COL4A1: variants seen among roughly 807,000 people sequenced by gnomAD.
COL4A1 encodes collagen alpha-1(IV) chain.
A neutral mutation model predicts 216.6 loss-of-function variants in COL4A1; 40 were observed. That is an observed-to-expected ratio of 0.18 (90% confidence interval 0.14 to 0.24). The LOEUF is 0.24. Among genes scored for constraint, COL4A1 ranks in the 10% least tolerant of loss-of-function variants. The pLI is 1.00. For synonymous variants in COL4A1, 839 were observed against 810.7 expected, an observed-to-expected ratio of 1.03 and a Z score of -0.59; for missense variants, 1,628 against 2,196.8, an observed-to-expected ratio of 0.74 and a Z score of 5.18.
At chr13:110,190,221 C>T (rs1339447070) in intron 24 of COL4A1, among the ~76,000 whole-genome samples, 1 of 151,996 alleles carries the variant, frequency 6.6e-6, no homozygotes, top group African/African-American at 2.4e-5. Flanking sequence ...TTCTTTGCCA[C>T]AGAACTTCTT....
chr13:110,249,593 T>C (rs1379110373), intron 1 of COL4A1, among the ~76,000 whole-genome samples: 2 of 152,156 alleles, frequency 1.3e-5, no homozygotes, highest in Non-Finnish European at 2.9e-5. Context: ...TCGTGAGGGC[T>C]ACTGACTAGA....
At chr13:110,253,786 TA>T (rs1882378806) in intron 1 of COL4A1, among the ~76,000 whole-genome samples, 2 of 78,578 alleles carry the variant, frequency 2.5e-5, no homozygotes, top group African/African-American at 7.4e-5. Flanking sequence ...TATATATACG[TA>T]TAATTATACG....
chr13:110,306,342 C>T (rs1453187591), intron 1 of COL4A1, among the ~76,000 whole-genome samples: 1 of 152,204 alleles, frequency 6.6e-6, no homozygotes, highest in Non-Finnish European at 1.5e-5. Flanking sequence ...CTTCTTCAAG[C>T]CGGGCGTCCA....
intron 31 of COL4A1, 96 bp from the exon 32 acceptor site, chr13:110,178,327 C>T (rs1877981983): frequency 3.4e-6 from 5 of 1,475,716 alleles, no homozygotes; most frequent in African/African-American, 1.4e-5. Context: ...CTGCAGAAAG[C>T]CCGTGAGCAC....
chr13:110,233,449 T>C (rs969340653), intron 2 of COL4A1, among the ~76,000 whole-genome samples: 1 of 152,138 alleles, frequency 6.6e-6, no homozygotes, highest in African/African-American at 2.4e-5. Flanking sequence ...CAAAGTCAGA[T>C]ACTTTGGGGG....
intron 28 of COL4A1, 36 bp downstream of exon 28, chr13:110,182,957 G>A: frequency 1.3e-6 from 2 of 1,580,354 alleles, no homozygotes; most frequent in South Asian, 1.1e-5. Context: ...GAAGTCACAG[G>A]TGGACCAAAG....
chr13:110,294,520 G>A (rs908191139), intron 1 of COL4A1, among the ~76,000 whole-genome samples: 2 of 152,154 alleles, frequency 1.3e-5, no homozygotes, highest in Non-Finnish European at 2.9e-5. Context: ...AATTCCCAGG[G>A]AAGAGAGAAG....
At chr13:110,251,744 A>G (rs368400199) in intron 1 of COL4A1, among the ~76,000 whole-genome samples, 2 of 152,224 alleles carry the variant, frequency 1.3e-5, no homozygotes, top group South Asian at 4.1e-4. Context: ...CACAGGTGCA[A>G]GCCGGTACAG....
At chr13:110,195,985 T>C (rs1286308387) in intron 21 of COL4A1, among the ~76,000 whole-genome samples, 4 of 152,042 alleles carry the variant, frequency 2.6e-5, no homozygotes, top group East Asian at 1.9e-4. Flanking sequence ...GGGTGTGGAG[T>C]GGGGCTGTGG....
chr13:110,227,387 GACACACACACAC>G lies in COL4A1; in HGVS notation c.145-13384_145-13373del, dbSNP rs373355054. Reference sequence around the variant, plus strand: ...TAGATGACCAAGTATGGGTACGGTAGACACACACACACACACACACACACACACACACACACA... The same window carrying G: ...TAGATGACCAAGTATGGGTACGGTAGACACACACACACACACACACACACA... On this transcript the variant is annotated intron_variant, in intron 2 of 51. Coordinates refer to ENST00000375820, the MANE Select transcript of COL4A1 (RefSeq NM_001845.6). 1.0e-3 allele frequency among the ~76,000 whole-genome samples: 139 copies of G among 138,772 alleles called. 2 individuals are homozygous for G. The highest frequency in any genetic ancestry group is 3.3e-3 in the African/African-American group (121 of 36,958). The allele number at this position is 138,772 out of a possible 152,430, so 91.0% of individuals were successfully genotyped here.
At chr13:110,273,905 A>G (rs1883341809) in intron 1 of COL4A1, among the ~76,000 whole-genome samples, 1 of 152,232 alleles carries the variant, frequency 6.6e-6, no homozygotes, top group Non-Finnish European at 1.5e-5. Flanking sequence ...TGCAGTTTAA[A>G]GCACTAAATG....
rs745445241 is a variant in COL4A1 at position 110,187,233 on chromosome 13, C to T, written c.1633G>A (p.Asp545Asn). The T allele has an allele frequency of 6.2e-7, 1 of 1,613,900 alleles. No individual in the cohort carries two copies. The highest frequency in any genetic ancestry group is 8.5e-7 in the Non-Finnish European group (1 of 1,179,910). The change falls in exon 25 of 52, where the codon GAC becomes AAC. Residue 545 changes from aspartate (D) to asparagine (N), a missense_variant. Physicochemically the swap from Asp to Asn is conservative, Grantham distance 23 (BLOSUM62 1). This residue lies in a region of COL4A1 where 701 missense variants were observed against 892.5 expected (regional missense o/e 0.79). Transcript: ENST00000375820. ...CCGGGCTGTCCTGGAAAGCCTGGGT[C>T]TCCTTTGTCACCTTTGAGCCGCAAG... ...FDLRLKGDKG[D>N]PGFPGQPGMP...
At chr13:110,260,954 G>A (rs896695730) in intron 1 of COL4A1, among the ~76,000 whole-genome samples, 2 of 137,844 alleles carry the variant, frequency 1.5e-5, no homozygotes, top group African/African-American at 5.2e-5. Context: ...GGAGAATGGC[G>A]TGAACCCGAG....
chr13:110,274,354 C>A (rs1418280366), intron 1 of COL4A1, among the ~76,000 whole-genome samples: 1 of 152,156 alleles, frequency 6.6e-6, no homozygotes, highest in Non-Finnish European at 1.5e-5. Context: ...GCCCCCTTTC[C>A]CATGAGTGTT....
intron 2 of COL4A1, among the ~76,000 whole-genome samples, chr13:110,233,107 T>C (rs1391395376): frequency 4.6e-5 from 7 of 152,182 alleles, no homozygotes; most frequent in Admixed American, 3.9e-4. Flanking sequence ...TCCAGGGGCT[T>C]TTCTAGGGTA....
chr13:110,289,177 G>A (rs139294345), intron 1 of COL4A1, among the ~76,000 whole-genome samples: 2 of 152,312 alleles, frequency 1.3e-5, no homozygotes, highest in African/African-American at 2.4e-5. Flanking sequence ...GGATTCCTAA[G>A]TTCTCCTGGA....
chr13:110,271,991 A>G (rs949302339), intron 1 of COL4A1, among the ~76,000 whole-genome samples: 2 of 152,236 alleles, frequency 1.3e-5, no homozygotes, highest in Non-Finnish European at 2.9e-5. Context: ...TTTTACAGGT[A>G]CACTACCCAA....
chr13:110,179,004 C>T lies in COL4A1; in HGVS notation c.2377G>A (p.Val793Met), dbSNP rs769302846. 1.6e-5 allele frequency: 26 copies of T among 1,611,488 alleles called. No individual in the cohort carries two copies. The highest frequency in any genetic ancestry group is 6.7e-5 in the African/African-American group (5 of 74,840). ...EPGPPGLPGS[V>M]GSPGVPGIGP... ...ATTCCTGGAACTCCTGGAGACCCCACGGAGCCTGGCAATCCAGGAGGTCCC... is the reference window on the plus strand; with the variant it reads ...ATTCCTGGAACTCCTGGAGACCCCATGGAGCCTGGCAATCCAGGAGGTCCC... The change falls in exon 31 of 52, where the codon GTG becomes ATG. Residue 793 changes from valine (V) to methionine (M), a missense_variant. Val to Met is a conservative substitution (Grantham distance 21, BLOSUM62 1). Coordinates refer to ENST00000375820, the MANE Select transcript of COL4A1 (RefSeq NM_001845.6).
In COL4A1 at chr13:110,176,427, G is replaced by T. The variant is rs867497937; in HGVS notation, c.3055C>A (p.Pro1019Thr). The T allele has an allele frequency of 6.2e-7, 1 of 1,610,082 alleles. No individual in the cohort carries two copies. ...PKGSVGGMGL[P>T]GTPGEKGVPG... is the part of the protein sequence containing the mutation. ...TCCTCTTCTAAATCCAGTTTACCTG[G>T]CAAGCCCATTCCACCAACAGATCCT... Residue 1019 changes from proline to threonine, a missense_variant, in exon 36 of 52, where the codon CCA (proline) becomes ACA (threonine). Around this residue, in one of 8 missense-constraint regions of COL4A1, gnomAD observed 58 missense variants for 132.5 expected, o/e 0.44. Transcript: ENST00000375820.
Sources: gnomAD v4.1 joint callset for allele counts (sites outside exome capture counted in the v4.1 genomes callset) on GRCh38, gnomAD v4.1.1 for gene constraint, gnomAD v4.1.1 regional missense constraint, MANE v1.5 for transcripts, NCBI Gene and HGNC (gene_info 2026-07-23, HGNC 2026-07-21) for gene names.